The following RAD50 variants were observed in gnomAD, a reference collection of about 807,000 sequenced individuals.
RAD50 encodes the protein DNA repair protein RAD50.
In RAD50, 132 loss-of-function variants were observed where a neutral mutation model predicts 168.8. The ratio of observed to expected loss-of-function variants is 0.78; its 90% confidence interval spans 0.68 to 0.90. The LOEUF (loss-of-function observed/expected upper bound fraction) is 0.90, where lower values mean the gene tolerates loss of function less well. Ranked by LOEUF, RAD50 falls within the 40% of genes least tolerant of loss-of-function variation. The pLI, the probability that RAD50 is intolerant of heterozygous loss-of-function variation, is 0.00. For missense variants in RAD50, 1,347 were observed against 1,534.4 expected (o/e 0.88, Z 2.04); for synonymous variants, 525 against 497.4 (o/e 1.06, Z -0.74).
chr5:132,568,126 A>G (rs1750240442), intron 2 of RAD50, among the ~76,000 whole-genome samples: 1 of 151,720 alleles, frequency 6.6e-6, no homozygotes, highest in Admixed American at 6.6e-5. Context: ...GCTGGAGTGC[A>G]GTGGCACAAT....
At chr5:132,602,297 A>G (rs1039651573) in intron 13 of RAD50, among the ~76,000 whole-genome samples, 1 of 152,196 alleles carries the variant, frequency 6.6e-6, no homozygotes, top group Non-Finnish European at 1.5e-5. Context: ...AGACCAGTTT[A>G]ATTTATTCTA....
At chr5:132,618,324 G>A in intron 21 of RAD50, 30 bp downstream of exon 21, 1 of 1,612,750 alleles carries the variant, frequency 6.2e-7, no homozygotes, top group South Asian at 1.1e-5. Context: ...TTTTCTTATT[G>A]CAGTTAATAT....
intron 3 of RAD50, among the ~76,000 whole-genome samples, chr5:132,578,105 G>A (rs558989056): frequency 6.6e-5 from 10 of 152,116 alleles, no homozygotes; most frequent in South Asian, 2.1e-4. Context: ...GAGCCACCGC[G>A]CCCAGCCCCA....
At chr5:132,615,919 C>T in intron 19 of RAD50, 84 bp from the exon 20 acceptor site, 1 of 1,239,812 alleles carries the variant, frequency 8.1e-7, no homozygotes, top group Non-Finnish European at 1.2e-6. Flanking sequence ...ACAGAAATGG[C>T]ACTTGCTGTC....
intron 19 of RAD50, among the ~76,000 whole-genome samples, chr5:132,610,870 T>C (rs57335548): frequency 0.047 from 7,212 of 152,270 alleles, 557 homozygotes; most frequent in African/African-American, 0.17. Context: ...TTTAAAGTGA[T>C]GGTCTAAACT....
chr5:132,566,061 T>A (rs1049499816), intron 2 of RAD50, among the ~76,000 whole-genome samples: 13 of 152,240 alleles, frequency 8.5e-5, no homozygotes, highest in Non-Finnish European at 1.6e-4. Flanking sequence ...GGGTTTTTCT[T>A]ATTTTTTATT....
intron 20 of RAD50, among the ~76,000 whole-genome samples, chr5:132,616,829 T>C (rs1392824635): frequency 6.6e-6 from 1 of 152,212 alleles, no homozygotes; most frequent in Non-Finnish European, 1.5e-5. Flanking sequence ...CCCTTCCTTG[T>C]AGAGTTTTCA....
intron 21 of RAD50, among the ~76,000 whole-genome samples, chr5:132,620,152 G>A (rs1262505200): frequency 6.6e-6 from 1 of 151,882 alleles, no homozygotes; most frequent in Non-Finnish European, 1.5e-5. Flanking sequence ...TGATCCACCT[G>A]TATTGGCCTC....
At chr5:132,597,738 G>C (rs1346738578) in intron 13 of RAD50, among the ~76,000 whole-genome samples, 1 of 152,176 alleles carries the variant, frequency 6.6e-6, no homozygotes, top group Non-Finnish European at 1.5e-5. Context: ...AATAATAAGT[G>C]CTGTTATTTT....
At chr5:132,637,525 T>TTTTC in intron 22 of RAD50, among the ~76,000 whole-genome samples, 2 of 133,970 alleles carry the variant, frequency 1.5e-5, no homozygotes, top group East Asian at 4.0e-4. Flanking sequence ...TTTTTTTTCT[T>TTTTC]TTTCTTTTTT....
chr5:132,625,816 T>C (rs1297179402), intron 21 of RAD50, among the ~76,000 whole-genome samples: 4 of 152,248 alleles, frequency 2.6e-5, no homozygotes, highest in Non-Finnish European at 5.9e-5. Flanking sequence ...CCTAACATAA[T>C]GTCCTTCAGT....
chr5:132,576,131 C>A (rs780310041), intron 3 of RAD50, among the ~76,000 whole-genome samples: 2 of 152,160 alleles, frequency 1.3e-5, no homozygotes, highest in African/African-American at 4.8e-5. Flanking sequence ...CCTACCCCCA[C>A]GCACACACAG....
chr5:132,588,717 A>G lies in RAD50; in HGVS notation c.1082A>G (p.Gln361Arg), dbSNP rs1554098242. The change falls in exon 8 of 25, where the codon CAA becomes CGA. Residue 361 changes from glutamine to arginine, a missense_variant. Transcript: ENST00000378823. ...CTACAGCTGCAAGCAGATCGCCATC[A>G]AGAACATATCCGAGCTAGAGATTCA... ...GRLQLQADRH[Q>R]EHIRARDSLI... 6.2e-7 allele frequency: 1 copy of G among 1,614,002 alleles called. No homozygotes were observed. The highest frequency in any genetic ancestry group is 8.5e-7 in the Non-Finnish European group (1 of 1,179,926).
chr5:132,596,873 G>C (rs931375673), intron 13 of RAD50, among the ~76,000 whole-genome samples: 1 of 152,240 alleles, frequency 6.6e-6, no homozygotes, highest in African/African-American at 2.4e-5. Context: ...ATAAGACCTG[G>C]AGAAGTTCAT....
At chr5:132,613,697 G>A (rs565273343) in intron 19 of RAD50, among the ~76,000 whole-genome samples, 7 of 148,836 alleles carry the variant, frequency 4.7e-5, no homozygotes, top group Admixed American at 1.3e-4. Flanking sequence ...TTCGCCTCCC[G>A]GGTTCAAGTG....
At chr5:132,619,819 T>TCTACTC (rs1561651567) in intron 21 of RAD50, among the ~76,000 whole-genome samples, 37 of 116,382 alleles carry the variant, frequency 3.2e-4, no homozygotes, top group African/African-American at 1.6e-3. Flanking sequence ...TCTACTCCTC[T>TCTACTC]CTCTCTCTCT....
Position 132,575,828 on chromosome 5 carries a change from G to A in RAD50, c.265G>A (p.Val89Ile), listed in dbSNP as rs151109830. ...RAQIRLQFRD[V>I]NGELIAVQRS... ...CCAGATTCGTCTGCAATTTCGTGAT[G>A]TCAATGGAGAACTTATAGCTGTGCA... is the stretch of plus-strand genomic sequence containing the variant. The change falls in exon 3 of 25, where the codon GTC becomes ATC. Residue 89 changes from valine to isoleucine, a missense_variant. Val to Ile is a conservative substitution (Grantham distance 29). This residue lies in a region of RAD50 where 703 missense variants were observed against 767.7 expected (regional missense o/e 0.92). Transcript: ENST00000378823. The A allele has an allele frequency of 2.7e-4, 433 of 1,601,974 alleles. 3 individuals are homozygous for A. The highest frequency in any genetic ancestry group is 3.4e-4 in the Non-Finnish European group (397 of 1,169,054).
chr5:132,615,061 T>C (rs2149852576), intron 19 of RAD50, among the ~76,000 whole-genome samples: 1 of 152,288 alleles, frequency 6.6e-6, no homozygotes, highest in Admixed American at 6.5e-5. Flanking sequence ...CTTTGAGAAA[T>C]CCTTACTCCA....
rs1253230513 is a variant in RAD50 at position 132,604,879 on chromosome 5, A to G, written c.2598A>G (p.Thr866=). 2 of 1,613,804 alleles carry G rather than the reference A, an allele frequency of 1.2e-6. No homozygotes were observed. Among genetic ancestry groups the G allele is most frequent in the Non-Finnish European group, 1.7e-6 (2 of 1,179,742 alleles). The change falls in exon 16 of 25, where the codon ACA becomes ACG. Residue 866 remains threonine, a synonymous_variant. Coordinates refer to ENST00000378823, the MANE Select transcript of RAD50 (RefSeq NM_005732.4). ...AACAGATTCAACATCTAAAAAGTAC[A>G]ACAAATGAGCTAAAATCTGAGAAAC... ...QQEQIQHLKS[T]TNELKSEKLQ...
Sources: gnomAD v4.1 joint callset for allele counts (sites outside exome capture counted in the v4.1 genomes callset) on GRCh38, gnomAD v4.1.1 for gene constraint, gnomAD v4.1.1 regional missense constraint, MANE v1.5 for transcripts, NCBI Gene and HGNC (gene_info 2026-07-23, HGNC 2026-07-21) for gene names.